The following RNF17 variants were observed in gnomAD, a reference collection of about 807,000 sequenced individuals.
RNF17 encodes ring finger protein 17.
A neutral mutation model predicts 200.5 loss-of-function variants in RNF17; 31 were observed. The observed-to-expected ratio is 0.15, with a 90% CI of 0.12 to 0.21. The LOEUF is 0.21. Among genes scored for constraint, RNF17 ranks in the 10% least tolerant of loss-of-function variants. The probability of loss-of-function intolerance (pLI) is 1.00; values close to 1 mark genes in which losing one functional copy is unlikely to be tolerated. For missense variants in RNF17, 1,628 were observed against 1,905.1 expected, an observed-to-expected ratio of 0.85 and a Z score of 2.71; for synonymous variants, 606 against 637.8, an observed-to-expected ratio of 0.95 and a Z score of 0.75.
intron 15 of RNF17, among the ~76,000 whole-genome samples, chr13:24,814,235 A>T (rs9581184): frequency 0.18 from 26,701 of 152,152 alleles, 2,508 homozygotes; most frequent in South Asian, 0.32. Context: ...TTGCTGTCTC[A>T]GGTCTGGCAG....
chr13:24,771,796 G>A (rs1442215926), intron 2 of RNF17, among the ~76,000 whole-genome samples: 1 of 151,856 alleles, frequency 6.6e-6, no homozygotes, highest in African/African-American at 2.4e-5. Context: ...ACATGAGGTC[G>A]GGAGTCGAGA....
intron 15 of RNF17, among the ~76,000 whole-genome samples, chr13:24,812,875 G>T (rs1389786219): frequency 1.3e-5 from 2 of 151,880 alleles, no homozygotes; most frequent in Admixed American, 1.3e-4. Flanking sequence ...GCAGGGACAG[G>T]GTTTCACTGT....
At chr13:24,840,137 C>T (rs1239656293) in intron 18 of RNF17, among the ~76,000 whole-genome samples, 1 of 152,166 alleles carries the variant, frequency 6.6e-6, no homozygotes. Context: ...CTCAACATCA[C>T]TAATCATCAG....
chr13:24,747,825 A>G, the RNF17 span, among the ~76,000 whole-genome samples: 1 of 152,238 alleles, frequency 6.6e-6, no homozygotes. Flanking sequence ...AAACCTCGGG[A>G]GAGAAGGTGG....
intron 19 of RNF17, 59 bp downstream of exon 19, chr13:24,842,220 C>T: frequency 1.4e-6 from 2 of 1,435,130 alleles, no homozygotes; most frequent in Non-Finnish European, 1.9e-6. Context: ...ATTGTAATCA[C>T]AAGAAGGGAA....
In RNF17 at chr13:24,809,258, G is replaced by T. The variant is rs1467172815; in HGVS notation, c.2091+4829G>T. On this transcript the variant is annotated intron_variant, in intron 15 of 35. Coordinates refer to ENST00000255324, the MANE Select transcript of RNF17 (RefSeq NM_031277.3). ...CTTGTACCTCTGGTAGAATTCGGCT[G>T]TGAATCCATCTGGTCCTGGACTCTT... Among the ~76,000 whole-genome samples, 16 of 150,982 alleles carry T rather than the reference G, an allele frequency of 1.1e-4. 1 individual carries two copies. In the South Asian group the frequency reaches 3.4e-3, roughly 32 times the overall value.
At chr13:24,837,746 C>G (rs982978337) in intron 18 of RNF17, among the ~76,000 whole-genome samples, 1 of 151,996 alleles carries the variant, frequency 6.6e-6, no homozygotes, top group Non-Finnish European at 1.5e-5. Flanking sequence ...AAGACTGAAA[C>G]AGCATAAACT....
chr13:24,792,294 T>G (rs1416496381), intron 9 of RNF17, among the ~76,000 whole-genome samples: 4 of 152,158 alleles, frequency 2.6e-5, no homozygotes, highest in Non-Finnish European at 5.9e-5. Context: ...ATAACCTGCA[T>G]GTACTGATTA....
chr13:24,800,520 G>A lies in RNF17; in HGVS notation c.1744G>A (p.Val582Ile), dbSNP rs200180213. 1.7e-5 allele frequency: 28 copies of A among 1,611,752 alleles called. No individual in the cohort carries two copies. The highest frequency in any genetic ancestry group is 1.7e-4 in the Middle Eastern group (1 of 6,048). ...LAQPCSLKDIVPQNSNEGWEE... is the reference protein window; with the variant it reads ...LAQPCSLKDIIPQNSNEGWEE... ...ACAACCATGCTCATTGAAAGACATT[G>A]TTCCACAGAATTCAGTAAGTGAGAC... The change falls in exon 13 of 36, where the codon GTT (valine) becomes ATT (isoleucine). Residue 582 changes from valine (V) to isoleucine (I), a missense_variant. Physicochemically the swap from Val to Ile is conservative, Grantham distance 29. Transcript: ENST00000255324.
Position 24,826,887 on chromosome 13 carries a change from G to A in RNF17, c.2245+1115G>A, listed in dbSNP as rs774204157. ...ACCAGCCTGACCAACATGGAGAAACGCTGTCTCTACTAAAAATAAAAAATT... is the reference window on the plus strand; with the variant it reads ...ACCAGCCTGACCAACATGGAGAAACACTGTCTCTACTAAAAATAAAAAATT... On this transcript the variant is annotated intron_variant, in intron 16 of 35. Transcript: ENST00000255324. 1.1e-4 allele frequency among the ~76,000 whole-genome samples: 16 copies of A among 150,824 alleles called. No individual in the cohort carries two copies. In the South Asian group the frequency reaches 2.9e-3, roughly 28 times the overall value.
chr13:24,760,761 A>G (rs1453050826), upstream of RNF17, among the ~76,000 whole-genome samples: 2 of 152,240 alleles, frequency 1.3e-5, no homozygotes, highest in Non-Finnish European at 2.9e-5. Flanking sequence ...CATAAGGAAC[A>G]TAAACAACTC....
intron 11 of RNF17, among the ~76,000 whole-genome samples, chr13:24,797,474 C>T (rs1164871316): frequency 6.6e-6 from 1 of 152,072 alleles, no homozygotes; most frequent in Non-Finnish European, 1.5e-5. Flanking sequence ...AGAATATATA[C>T]AGCAGGTCTT....
At chr13:24,749,575 C>T in the RNF17 span, among the ~76,000 whole-genome samples, 1 of 152,118 alleles carries the variant, frequency 6.6e-6, no homozygotes, top group African/African-American at 2.4e-5. Flanking sequence ...ATGCAATGAG[C>T]TTTTGACTAT....
chr13:24,852,152 T>C (rs994075176), intron 24 of RNF17, among the ~76,000 whole-genome samples: 3 of 150,614 alleles, frequency 2.0e-5, no homozygotes, highest in Non-Finnish European at 4.4e-5. Flanking sequence ...TTTTTTTTTT[T>C]TTCTGAGACG....
chr13:24,819,809 C>T (rs565628942), intron 15 of RNF17, among the ~76,000 whole-genome samples: 69 of 152,164 alleles, frequency 4.5e-4, no homozygotes, highest in South Asian at 3.5e-3. Context: ...TCCCATTTAC[C>T]CATGTATTTA....
At chr13:24,772,634 A>G (rs1286167928) in intron 2 of RNF17, among the ~76,000 whole-genome samples, 1 of 151,314 alleles carries the variant, frequency 6.6e-6, no homozygotes, top group Non-Finnish European at 1.5e-5. Context: ...TTTTGAGACA[A>G]GAGTTTCGCT....
downstream of RNF17, chr13:24,883,380 T>A (rs527946206): frequency 3.3e-5 from 52 of 1,564,016 alleles, 1 homozygote; most frequent in South Asian, 4.1e-4. Flanking sequence ...CTGTAAAATT[T>A]AAAAAAAATA....
intron 10 of RNF17, among the ~76,000 whole-genome samples, chr13:24,793,865 A>T (rs544527870): frequency 1.3e-5 from 2 of 152,200 alleles, no homozygotes; most frequent in African/African-American, 4.8e-5. Context: ...GTTTTATACT[A>T]ATAGTCTCCT....
At chr13:24,822,845 C>T (rs1352119091) in intron 15 of RNF17, among the ~76,000 whole-genome samples, 1 of 152,230 alleles carries the variant, frequency 6.6e-6, no homozygotes, top group African/African-American at 2.4e-5. Context: ...TCAGTACCTG[C>T]AAGCCCTATT....
Sources: allele counts gnomAD v4.1 joint callset (sites outside exome capture counted in the v4.1 genomes callset), GRCh38; gene constraint gnomAD v4.1.1; transcripts MANE v1.5; gene names NCBI Gene and HGNC (gene_info 2026-07-23, HGNC 2026-07-21).